The following CACNA2D2 variants were observed in gnomAD, a reference collection of about 807,000 sequenced individuals.
CACNA2D2 encodes the protein voltage-dependent calcium channel subunit alpha-2/delta-2.
Under a neutral mutation model 166.4 loss-of-function variants are expected in CACNA2D2, and 48 were observed. The ratio of observed to expected loss-of-function variants is 0.29; its 90% CI spans 0.23 to 0.37. The LOEUF (loss-of-function observed/expected upper bound fraction) is 0.37. Among genes scored for constraint, CACNA2D2 ranks in the 10% least tolerant of loss-of-function variants. The pLI is 1.00. For synonymous variants in CACNA2D2, 561 were observed against 573.7 expected, an observed-to-expected ratio of 0.98 and a Z score of 0.32; for missense variants, 1,122 against 1,433.0, an observed-to-expected ratio of 0.78 and a Z score of 3.50.
At chr3:50,383,992 G>A (rs1705457322) in intron 6 of CACNA2D2, among the ~76,000 whole-genome samples, 1 of 152,258 alleles carries the variant, frequency 6.6e-6, no homozygotes, top group African/African-American at 2.4e-5. Context: ...GCAACTTGCT[G>A]AGTGTTAGGG....
At chr3:50,485,168 C>G (rs1201593688) in intron 1 of CACNA2D2, among the ~76,000 whole-genome samples, 1 of 152,238 alleles carries the variant, frequency 6.6e-6, no homozygotes, top group Non-Finnish European at 1.5e-5. Context: ...GTCCTCCACT[C>G]TATCTCTGCC....
At chr3:50,439,527 T>C (rs1392781283) in intron 2 of CACNA2D2, among the ~76,000 whole-genome samples, 1 of 152,234 alleles carries the variant, frequency 6.6e-6, no homozygotes, top group Non-Finnish European at 1.5e-5. Context: ...CCCCGAGGCA[T>C]GACTCCGGGG....
intron 2 of CACNA2D2, among the ~76,000 whole-genome samples, chr3:50,457,122 C>T (rs1381560638): frequency 4.6e-5 from 7 of 152,066 alleles, no homozygotes; most frequent in Admixed American, 1.3e-4. Flanking sequence ...TGGTGGCACG[C>T]GCCTGTAATC....
chr3:50,477,247 A>T (rs1037113824), intron 1 of CACNA2D2, among the ~76,000 whole-genome samples: 1 of 151,958 alleles, frequency 6.6e-6, no homozygotes, highest in Non-Finnish European at 1.5e-5. Flanking sequence ...GATTGTTTTA[A>T]CCCATTTCCA....
intron 2 of CACNA2D2, among the ~76,000 whole-genome samples, chr3:50,469,989 C>T (rs1256708683): frequency 2.0e-5 from 3 of 152,250 alleles, no homozygotes; most frequent in African/African-American, 7.2e-5. Flanking sequence ...GCACCACCAG[C>T]TGGTCCCACC....
chr3:50,378,082 A>G lies in CACNA2D2; in HGVS notation c.1405T>C (p.Leu469=). Residue 469 remains leucine (L), a synonymous_variant, in exon 15 of 38, where the codon TTG becomes CTG. Transcript: ENST00000424201. ...RINTQEYLDV[L]GRPMVLAGKE... Reference sequence around the variant, plus strand: ...CCTGCCAGCACCATGGGCCTGCCCAACACATCTAGATATTCCTGGGGAGGG... The same window carrying G: ...CCTGCCAGCACCATGGGCCTGCCCAGCACATCTAGATATTCCTGGGGAGGG... The G allele has an allele frequency of 2.5e-6, 4 of 1,613,560 alleles. No homozygotes were observed. Among genetic ancestry groups the G allele is most frequent in the East Asian group, 2.2e-5 (1 of 44,892 alleles).
chr3:50,460,961 T>C (rs547919179), intron 2 of CACNA2D2, among the ~76,000 whole-genome samples: 2 of 150,436 alleles, frequency 1.3e-5, no homozygotes, highest in East Asian at 3.9e-4. Flanking sequence ...GACACAGAAA[T>C]GGAATATTGG....
At chr3:50,385,315 T>C (rs886593613) in intron 5 of CACNA2D2, among the ~76,000 whole-genome samples, 1 of 151,868 alleles carries the variant, frequency 6.6e-6, no homozygotes, top group African/African-American at 2.4e-5. Flanking sequence ...ATAGGAGAGA[T>C]CATAAGCAGC....
intron 1 of CACNA2D2, among the ~76,000 whole-genome samples, chr3:50,488,828 T>C (rs371286905): frequency 2.6e-4 from 40 of 151,806 alleles, no homozygotes; most frequent in African/African-American, 9.4e-4. Flanking sequence ...GCCTCCCGAG[T>C]ACCTGGGACT....
At chr3:50,408,692 T>C (rs1279926538) in intron 3 of CACNA2D2, among the ~76,000 whole-genome samples, 2 of 152,148 alleles carry the variant, frequency 1.3e-5, no homozygotes, top group African/African-American at 4.8e-5. Flanking sequence ...TAATGGCTTC[T>C]GCTTGCTGCT....
intron 6 of CACNA2D2, among the ~76,000 whole-genome samples, chr3:50,383,902 G>C (rs587704198): frequency 1.3e-5 from 2 of 152,332 alleles, no homozygotes; most frequent in Non-Finnish European, 2.9e-5. Flanking sequence ...AACGGTCTCT[G>C]TGTGCGTGCA....
intron 2 of CACNA2D2, among the ~76,000 whole-genome samples, chr3:50,449,100 C>G (rs1183602409): frequency 6.6e-6 from 1 of 152,234 alleles, no homozygotes; most frequent in East Asian, 1.9e-4. Flanking sequence ...TTCCTAAAAG[C>G]AGGGCCCTTC....
At chr3:50,461,978 C>T (rs897267211) in intron 2 of CACNA2D2, among the ~76,000 whole-genome samples, 1 of 152,122 alleles carries the variant, frequency 6.6e-6, no homozygotes, top group Admixed American at 6.5e-5. Flanking sequence ...GCAGGACTTT[C>T]TTGGAAGGTA....
At chr3:50,479,191 T>C (rs1697936387) in intron 1 of CACNA2D2, among the ~76,000 whole-genome samples, 1 of 152,154 alleles carries the variant, frequency 6.6e-6, no homozygotes, top group African/African-American at 2.4e-5. Context: ...CTCTCTCTCT[T>C]ACGCACAGTC....
chr3:50,397,293 T>C (rs1706209353), intron 3 of CACNA2D2, among the ~76,000 whole-genome samples: 1 of 152,224 alleles, frequency 6.6e-6, no homozygotes, highest in Non-Finnish European at 1.5e-5. Context: ...ATTTTTTCAG[T>C]GTTACAGATC....
At chr3:50,474,107 A>G (rs1471067974) in intron 2 of CACNA2D2, among the ~76,000 whole-genome samples, 14 of 152,190 alleles carry the variant, frequency 9.2e-5, no homozygotes, top group Admixed American at 8.5e-4. Context: ...GCACGTTGGA[A>G]CAGGAGTCAG....
intron 3 of CACNA2D2, among the ~76,000 whole-genome samples, chr3:50,429,871 A>C (rs1424089368): frequency 6.6e-6 from 1 of 151,960 alleles, no homozygotes; most frequent in Non-Finnish European, 1.5e-5. Context: ...TGACCCCCCG[A>C]GAATCTGATG....
At position 50,377,732 on chromosome 3, in the gene CACNA2D2, C is replaced by T; in HGVS notation, c.1551G>A (p.Lys517=). 6.2e-7 allele frequency: 1 copy of T among 1,611,676 alleles called. No individual in the cohort carries two copies. The highest frequency in any genetic ancestry group is 8.5e-7 in the Non-Finnish European group (1 of 1,178,620). Residue 517 remains lysine (K), a splice_region_variant and synonymous_variant, in exon 16 of 38, where the codon AAG becomes AAA. Coordinates refer to ENST00000424201, the MANE Select transcript of CACNA2D2 (RefSeq NM_006030.4). The part of the protein sequence containing the change: ...NLTQDGPGEK[K]NQLILGVMGI... ...AGCCCCAACCCTCCCCTTTCCTCAC[C>T]TTCTTTTCCCCAGGGCCATCCTGTG...
chr3:50,485,602 G>A (rs1007738315), intron 1 of CACNA2D2, among the ~76,000 whole-genome samples: 2 of 152,240 alleles, frequency 1.3e-5, no homozygotes, highest in African/African-American at 4.8e-5. Flanking sequence ...CCAGCACTCA[G>A]TTTATTCCTG....
Sources: allele counts gnomAD v4.1 joint callset (sites outside exome capture counted in the v4.1 genomes callset), GRCh38; gene constraint gnomAD v4.1.1; transcripts MANE v1.5; gene names NCBI Gene and HGNC (gene_info 2026-07-23, HGNC 2026-07-21).